TBXAS1: variants seen among roughly 807,000 people sequenced by gnomAD.
TBXAS1 encodes thromboxane-A synthase.
Under a neutral mutation model 60.7 loss-of-function variants are expected in TBXAS1, and 48 were observed. The observed-to-expected ratio is 0.79, with a 90% CI of 0.63 to 1.01. The LOEUF (loss-of-function observed/expected upper bound fraction) is 1.01, where lower values mean the gene tolerates loss of function less well. TBXAS1 is among the 50% of genes least tolerant of loss of function. The pLI is 0.00. For missense variants in TBXAS1, 685 were observed against 686.3 expected (o/e 1.00, Z 0.02); for synonymous variants, 287 against 269.7 (o/e 1.06, Z -0.63).
intron 5 of TBXAS1, among the ~76,000 whole-genome samples, chr7:139,941,984 A>G (rs562867536): frequency 1.5e-4 from 23 of 152,220 alleles, no homozygotes; most frequent in Non-Finnish European, 3.1e-4. Flanking sequence ...ATATATTTGT[A>G]TATTCCTCTA....
At chr7:139,985,474 A>G (rs1187397161) in intron 9 of TBXAS1, among the ~76,000 whole-genome samples, 1 of 152,122 alleles carries the variant, frequency 6.6e-6, no homozygotes, top group Non-Finnish European at 1.5e-5. Flanking sequence ...TTAATAACCC[A>G]TTATCGGGTT....
At chr7:139,922,256 C>T (rs914746896) in intron 4 of TBXAS1, among the ~76,000 whole-genome samples, 1 of 152,068 alleles carries the variant, frequency 6.6e-6, no homozygotes, top group African/African-American at 2.4e-5. Context: ...CATGTGCCAC[C>T]ATGCCCGGCT....
intron 3 of TBXAS1, among the ~76,000 whole-genome samples, chr7:139,889,938 C>G (rs1048156291): frequency 6.6e-6 from 1 of 152,128 alleles, no homozygotes; most frequent in Admixed American, 6.5e-5. Context: ...ATGAAGCACT[C>G]AGAGGATCAG....
intron 4 of TBXAS1, among the ~76,000 whole-genome samples, chr7:139,915,041 A>T (rs889186175): frequency 6.6e-6 from 1 of 152,186 alleles, no homozygotes; most frequent in Admixed American, 6.5e-5. Flanking sequence ...AAGACCCATC[A>T]TAGATAAGAT....
chr7:139,961,952 G>C lies in TBXAS1; in HGVS notation c.853G>C (p.Ala285Pro), dbSNP rs1354430288. 6.2e-7 allele frequency: 1 copy of C among 1,614,246 alleles called. No homozygotes were observed. Among genetic ancestry groups the C allele is most frequent in the South Asian group, 1.1e-5 (1 of 91,090 alleles). The change falls in exon 9 of 13, where the codon GCC (alanine) becomes CCC (proline). Residue 285 changes from alanine (A) to proline (P), a missense_variant. Physicochemically the swap from Ala to Pro is conservative, Grantham distance 27. Coordinates refer to ENST00000448866, the MANE Select transcript of TBXAS1 (RefSeq NM_001061.7). ...AGACTTCCTCCAAATGGTCCTGGAT[G>C]CCCGACATTCTGCAAGTCCCATGGG... ...RRDFLQMVLD[A>P]RHSASPMGVQ...
At chr7:139,960,519 G>A (rs1445475101) in intron 8 of TBXAS1, among the ~76,000 whole-genome samples, 1 of 152,096 alleles carries the variant, frequency 6.6e-6, no homozygotes, top group Non-Finnish European at 1.5e-5. Context: ...GCTGAGGCGG[G>A]CGGATCACCT....
At chr7:139,943,392 T>C (rs1266835627) in intron 5 of TBXAS1, among the ~76,000 whole-genome samples, 1 of 152,242 alleles carries the variant, frequency 6.6e-6, no homozygotes, top group African/African-American at 2.4e-5. Flanking sequence ...ACTATCATGA[T>C]GGACTGTTTA....
intron 4 of TBXAS1, 137 bp from the exon 5 acceptor site, chr7:139,936,054 C>T: frequency 2.4e-6 from 2 of 821,544 alleles, no homozygotes; most frequent in Non-Finnish European, 4.3e-6. Flanking sequence ...GTCTTCCTCT[C>T]TCTCCTTGCA....
chr7:139,854,332 A>T (rs1800436117), intron 1 of TBXAS1, among the ~76,000 whole-genome samples: 1 of 152,184 alleles, frequency 6.6e-6, no homozygotes, highest in Non-Finnish European at 1.5e-5. Flanking sequence ...GATGACTTAC[A>T]GTGAGGCTAG....
chr7:139,958,120 T>C (rs1224558247), intron 8 of TBXAS1, among the ~76,000 whole-genome samples: 1 of 152,146 alleles, frequency 6.6e-6, no homozygotes, highest in Non-Finnish European at 1.5e-5. Context: ...CACATGCAAT[T>C]TTCATGAGCA....
At chr7:139,817,987 A>G (rs1308465656) in intron 4 of TBXAS1, among the ~76,000 whole-genome samples, 1 of 152,224 alleles carries the variant, frequency 6.6e-6, no homozygotes, top group African/African-American at 2.4e-5. Flanking sequence ...CATTCATTTC[A>G]GAAACATTTC....
intron 4 of TBXAS1, among the ~76,000 whole-genome samples, chr7:139,929,859 C>T (rs890614502): frequency 2.6e-5 from 4 of 152,306 alleles, no homozygotes; most frequent in Non-Finnish European, 5.9e-5. Context: ...CTCCTGACGG[C>T]GCTCCCTGCC....
chr7:139,981,880 T>C (rs34482963), intron 9 of TBXAS1, among the ~76,000 whole-genome samples: 1 of 152,212 alleles, frequency 6.6e-6, no homozygotes, highest in Non-Finnish European at 1.5e-5. Flanking sequence ...GTCATTTTTT[T>C]CCCCTAAATG....
At chr7:139,933,268 G>A (rs1807480596) in intron 4 of TBXAS1, among the ~76,000 whole-genome samples, 1 of 152,060 alleles carries the variant, frequency 6.6e-6, no homozygotes, top group Non-Finnish European at 1.5e-5. Flanking sequence ...ACAAAAAATA[G>A]TGTAAATTCA....
chr7:140,013,568 G>A lies in TBXAS1; in HGVS notation c.1227-2155G>A, dbSNP rs1340719679. Among the ~76,000 whole-genome samples the A allele has an allele frequency of 6.6e-6, 1 of 152,214 alleles. No homozygotes were observed. Among genetic ancestry groups the A allele is most frequent in the Non-Finnish European group, 1.5e-5 (1 of 68,026 alleles). Reference sequence around the variant, plus strand: ...GGTTGTAAGAAACTGGTGGGGTAAGGAAGCTAGAACTCTCCCAGGAACCAG... The same window carrying A: ...GGTTGTAAGAAACTGGTGGGGTAAGAAAGCTAGAACTCTCCCAGGAACCAG... On this transcript the variant is annotated intron_variant, in intron 10 of 12. Coordinates refer to ENST00000448866, the MANE Select transcript of TBXAS1 (RefSeq NM_001061.7). The surrounding 1 kb of genome is among the most constrained non-coding windows in gnomAD (Gnocchi z 4.2).
intron 4 of TBXAS1, among the ~76,000 whole-genome samples, chr7:139,822,826 C>T (rs577130035): frequency 6.6e-6 from 1 of 152,268 alleles, no homozygotes; most frequent in African/African-American, 2.4e-5. Flanking sequence ...CATCCCCCAC[C>T]TAGCTGACCC....
At chr7:139,900,725 T>C (rs1299836526) in intron 3 of TBXAS1, among the ~76,000 whole-genome samples, 1 of 152,212 alleles carries the variant, frequency 6.6e-6, no homozygotes, top group African/African-American at 2.4e-5. Context: ...TGGTCTCTAT[T>C]AGCTCCTTCT....
chr7:139,987,407 A>G (rs1367937935), intron 9 of TBXAS1, among the ~76,000 whole-genome samples: 1 of 152,210 alleles, frequency 6.6e-6, no homozygotes. Context: ...AGAATGGGTC[A>G]GACCAGAGTG....
intron 1 of TBXAS1, among the ~76,000 whole-genome samples, chr7:139,856,418 AGT>A (rs2116686447): frequency 6.6e-6 from 1 of 152,268 alleles, no homozygotes; most frequent in South Asian, 2.1e-4. Flanking sequence ...CTGAGGGATG[AGT>A]GTGTCAATGG....
Sources: gnomAD v4.1 joint callset for allele counts (sites outside exome capture counted in the v4.1 genomes callset) on GRCh38, gnomAD v4.1.1 for gene constraint, Gnocchi (gnomAD v3.1) non-coding constraint, MANE v1.5 for transcripts, NCBI Gene and HGNC (gene_info 2026-07-23, HGNC 2026-07-21) for gene names.